Variants in ZNF331 observed in about 807,000 individuals in gnomAD.
ZNF331 encodes zinc finger protein 331, also known as C2H2-like zinc finger protein rearranged in thyroid adenomas.
ZNF331 carries 2 observed loss-of-function variants against 7.0 expected under a neutral mutation model. The ratio of observed to expected loss-of-function variants is 0.29; its 90% CI spans 0.12 to 0.90. The LOEUF (loss-of-function observed/expected upper bound fraction) is 0.90. ZNF331 is among the 40% of genes least tolerant of loss of function. The probability of loss-of-function intolerance (pLI) is 0.58; values close to 1 mark genes in which losing one functional copy is unlikely to be tolerated. For missense variants in ZNF331, 432 were observed against 587.7 expected (o/e 0.74, Z 2.74); for synonymous variants, 196 against 205.4 (o/e 0.95, Z 0.39).
In ZNF331 at chr19:53,573,796, T is replaced by C. The variant is rs946251563; in HGVS notation, c.136+2066T>C. Among the ~76,000 whole-genome samples, 2 of 152,136 alleles carry C rather than the reference T, an allele frequency of 1.3e-5. No individual in the cohort carries two copies. The highest frequency in any genetic ancestry group is 6.5e-5 in the Admixed American group (1 of 15,270). On this transcript the variant is annotated intron_variant, in intron 5 of 5. Coordinates refer to ENST00000449416, the MANE Select transcript of ZNF331 (RefSeq NM_001079906.2). The surrounding 1 kb of genome is among the most constrained non-coding windows in gnomAD (Gnocchi z 4.2). ...ATAGCATTTTGACTTCTGGTTGTTA[T>C]AAATTTGATTAATACTCAATCAAAA...
intron 2 of ZNF331, among the ~76,000 whole-genome samples, chr19:53,542,042 T>A (rs1214050622): frequency 6.6e-6 from 1 of 152,108 alleles, no homozygotes; most frequent in East Asian, 1.9e-4. Context: ...ATGGTATTTA[T>A]GTTTCTAGGC....
At chr19:53,529,423 C>T (rs765114414) in intron 2 of ZNF331, among the ~76,000 whole-genome samples, 11 of 148,328 alleles carry the variant, frequency 7.4e-5, no homozygotes, top group Non-Finnish European at 1.5e-4. Context: ...AAAAATTATT[C>T]TCTGGAGAAG....
intron 2 of ZNF331, among the ~76,000 whole-genome samples, chr19:53,541,111 T>TTTTC (rs1277614243): frequency 1.4e-3 from 35 of 25,604 alleles, no homozygotes; most frequent in African/African-American, 3.2e-3. Flanking sequence ...ATTTCTTTTC[T>TTTTC]TTTTTTTTTT....
At chr19:53,564,510 A>G (rs1389935914) in intron 3 of ZNF331, among the ~76,000 whole-genome samples, 3 of 151,720 alleles carry the variant, frequency 2.0e-5, no homozygotes, top group Non-Finnish European at 4.4e-5. Flanking sequence ...GGAACTCCTG[A>G]CCTCAAGTGA....
chr19:53,551,330 A>G (rs2088995944), intron 2 of ZNF331, among the ~76,000 whole-genome samples: 1 of 152,154 alleles, frequency 6.6e-6, no homozygotes, highest in Admixed American at 6.6e-5. Flanking sequence ...TCCCCTCTAA[A>G]CATGTATGTG....
chr19:53,556,160 G>A (rs963992252), intron 3 of ZNF331, among the ~76,000 whole-genome samples: 2 of 150,726 alleles, frequency 1.3e-5, no homozygotes, highest in African/African-American at 4.9e-5. Context: ...GGAGAATGGC[G>A]GGAACCCGGG....
At chr19:53,507,620 T>C in the ZNF331 span, among the ~76,000 whole-genome samples, 1 of 152,168 alleles carries the variant, frequency 6.6e-6, no homozygotes, top group African/African-American at 2.4e-5. Context: ...GGGAAGTAGA[T>C]TCCTCACGGT....
intron 3 of ZNF331, among the ~76,000 whole-genome samples, chr19:53,564,326 C>CTGGA (rs1233780691): frequency 6.6e-6 from 1 of 151,980 alleles, no homozygotes; most frequent in Non-Finnish European, 1.5e-5. Flanking sequence ...GTTGCCAAGA[C>CTGGA]TGGAGTACAG....
At chr19:53,576,427 A>G (rs1021112572) in intron 5 of ZNF331, among the ~76,000 whole-genome samples, 3 of 152,218 alleles carry the variant, frequency 2.0e-5, no homozygotes, top group African/African-American at 4.8e-5. Context: ...CACATCATCT[A>G]CAAATACTTG....
intron 2 of ZNF331, among the ~76,000 whole-genome samples, chr19:53,542,067 T>G (rs1487736338): frequency 6.6e-6 from 1 of 152,150 alleles, no homozygotes; most frequent in Non-Finnish European, 1.5e-5. Context: ...TCTTTGCCTC[T>G]AAGCATGTGT....
At chr19:53,536,702 C>G (rs77878084), upstream of ZNF331, among the ~76,000 whole-genome samples, 11 of 152,268 alleles carry the variant, frequency 7.2e-5, no homozygotes, top group East Asian at 1.5e-3. Context: ...GAGTTCGAGT[C>G]CAGCCTGACC....
At chr19:53,536,690 G>C (rs900634292), upstream of ZNF331, among the ~76,000 whole-genome samples, 5 of 152,084 alleles carry the variant, frequency 3.3e-5, no homozygotes, top group African/African-American at 7.2e-5. Flanking sequence ...ACCTGAGGTC[G>C]GGAGTTCGAG....
the ZNF331 span, chr19:53,512,615 T>C: frequency 6.6e-6 from 1 of 151,390 alleles, no homozygotes; most frequent in African/African-American, 2.4e-5. Context: ...GCTGCACTAA[T>C]CTAGACCAGG....
rs188923244 is a variant in ZNF331, at chr19:53,549,338, C to T, written c.-137-6507C>T. Among the ~76,000 whole-genome samples, 444 of 152,138 alleles carry T rather than the reference C, an allele frequency of 2.9e-3. 9 individuals are homozygous for T. The highest frequency in any genetic ancestry group is 6.8e-4 in the Non-Finnish European group (46 of 67,996). On this transcript the variant is annotated intron_variant, in intron 2 of 5. Coordinates refer to ENST00000449416, the MANE Select transcript of ZNF331 (RefSeq NM_001079906.2). The stretch of plus-strand genomic sequence containing the variant: ...CGTAATAGGTCCGTTGCCCCATGAG[C>T]ACAGCATGTCAATACAGCAGGTTGC...
chr19:53,536,295 A>T (rs745388871), upstream of ZNF331: 1 of 141,466 alleles, frequency 7.1e-6, no homozygotes, highest in African/African-American at 2.6e-5. Flanking sequence ...CTGTTCAAAC[A>T]GTCATACATT....
intron 3 of ZNF331, among the ~76,000 whole-genome samples, chr19:53,562,644 C>T (rs776252196): frequency 2.0e-5 from 3 of 150,570 alleles, no homozygotes; most frequent in Non-Finnish European, 3.0e-5. Flanking sequence ...GAGCCAAGAT[C>T]GCTCCACTGT....
At chr19:53,572,739 C>T (rs1174637506) in intron 5 of ZNF331, among the ~76,000 whole-genome samples, 1 of 151,746 alleles carries the variant, frequency 6.6e-6, no homozygotes, top group African/African-American at 2.4e-5. Flanking sequence ...TTCGTTCTCA[C>T]AGGCAGATGA....
At chr19:53,559,376 C>A (rs2089672421) in intron 3 of ZNF331, among the ~76,000 whole-genome samples, 1 of 147,784 alleles carries the variant, frequency 6.8e-6, no homozygotes, top group South Asian at 2.1e-4. Flanking sequence ...CACACACACC[C>A]CATATATACA....
chr19:53,541,047 C>T (rs936839625), intron 2 of ZNF331, among the ~76,000 whole-genome samples: 1 of 152,090 alleles, frequency 6.6e-6, no homozygotes, highest in Non-Finnish European at 1.5e-5. Flanking sequence ...ATCATAGGTG[C>T]CAGCATTACC....
Sources: gnomAD v4.1 joint callset for allele counts (sites outside exome capture counted in the v4.1 genomes callset) on GRCh38, gnomAD v4.1.1 for gene constraint, Gnocchi (gnomAD v3.1) non-coding constraint, MANE v1.5 for transcripts, NCBI Gene and HGNC (gene_info 2026-07-23, HGNC 2026-07-21) for gene names.